DENND1A: variants seen among roughly 807,000 people sequenced by gnomAD.
The protein encoded by DENND1A is DENN domain-containing protein 1A.
Under a neutral mutation model 113.7 loss-of-function variants are expected in DENND1A, and 51 were observed. That is an observed-to-expected ratio of 0.45 (90% CI 0.36 to 0.57). The LOEUF is 0.57. Among genes scored for constraint, DENND1A ranks in the 20% least tolerant of loss-of-function variants. The pLI, the probability that DENND1A is intolerant of heterozygous loss-of-function variation, is 0.00. For synonymous variants in DENND1A, 565 were observed against 570.8 expected (o/e 0.99, Z 0.14); for missense variants, 1,258 against 1,395.9 (o/e 0.90, Z 1.57).
At chr9:123,682,450 G>A (rs552936022) in intron 5 of DENND1A, among the ~76,000 whole-genome samples, 1 of 152,106 alleles carries the variant, frequency 6.6e-6, no homozygotes, top group African/African-American at 2.4e-5. Context: ...GAATACCTGA[G>A]GAGAGGTATC....
intron 13 of DENND1A, chr9:123,492,531 T>C (rs1242211748): frequency 1.3e-5 from 2 of 152,270 alleles, no homozygotes; most frequent in African/African-American, 4.8e-5. Flanking sequence ...AGGTCTTGGA[T>C]GCCAGGCCAA....
chr9:123,392,975 G>C (rs2042934115), intron 21 of DENND1A, among the ~76,000 whole-genome samples: 1 of 152,194 alleles, frequency 6.6e-6, no homozygotes, highest in Admixed American at 6.5e-5. Flanking sequence ...CATCCAGGTT[G>C]CTGTGGATGC....
intron 13 of DENND1A, among the ~76,000 whole-genome samples, chr9:123,461,709 C>T (rs1376876055): frequency 2.0e-5 from 3 of 152,230 alleles, no homozygotes; most frequent in Non-Finnish European, 2.9e-5. Context: ...GAGACATAAA[C>T]ATTTTGGGCC....
chr9:123,489,507 T>C (rs1275648733), intron 13 of DENND1A, among the ~76,000 whole-genome samples: 1 of 152,252 alleles, frequency 6.6e-6, no homozygotes, highest in Non-Finnish European at 1.5e-5. Context: ...TCTGCCTCAG[T>C]GGCATAAGCT....
At chr9:123,707,599 A>G (rs1270269538) in intron 5 of DENND1A, among the ~76,000 whole-genome samples, 2 of 152,198 alleles carry the variant, frequency 1.3e-5, no homozygotes, top group African/African-American at 4.8e-5. Flanking sequence ...ATTGTGTCAA[A>G]CAGATCAAGA....
At chr9:123,420,456 C>T (rs2045172976) in intron 19 of DENND1A, among the ~76,000 whole-genome samples, 1 of 152,104 alleles carries the variant, frequency 6.6e-6, no homozygotes, top group African/African-American at 2.4e-5. Context: ...GAAGGGGGTC[C>T]GGGAAGAAAA....
intron 13 of DENND1A, among the ~76,000 whole-genome samples, chr9:123,520,824 A>G (rs950610394): frequency 2.0e-5 from 3 of 152,240 alleles, no homozygotes; most frequent in African/African-American, 7.2e-5. Flanking sequence ...GGTGTCTGGC[A>G]CGCAGTAGGC....
chr9:123,760,281 A>G lies in DENND1A; in HGVS notation c.183-2459T>C, dbSNP rs187815919. Among the ~76,000 whole-genome samples, 190 of 152,324 alleles carry G rather than the reference A, an allele frequency of 1.2e-3. 1 individual carries two copies. The highest frequency in any genetic ancestry group is 3.9e-3 in the African/African-American group (164 of 41,582). The stretch of plus-strand genomic sequence containing the variant: ...TATGATATGAATAAAGTTTTCAAAG[A>G]TAGGGTAGACTTTCTAAAACTCCCT... On this transcript the variant is annotated intron_variant, in intron 4 of 23. Coordinates refer to ENST00000394215, the MANE Select transcript of DENND1A (RefSeq NM_001352964.2).
intron 13 of DENND1A, among the ~76,000 whole-genome samples, chr9:123,513,198 A>G (rs1484726723): frequency 6.6e-6 from 1 of 152,220 alleles, no homozygotes; most frequent in African/African-American, 2.4e-5. Flanking sequence ...TTCTCAGGGC[A>G]GCCCGGTCCT....
At chr9:123,646,862 G>C (rs746178537) in intron 9 of DENND1A, among the ~76,000 whole-genome samples, 1 of 152,098 alleles carries the variant, frequency 6.6e-6, no homozygotes. Context: ...GAGGACAGAC[G>C]GTTCATCCAC....
At chr9:123,879,100 A>G in intron 1 of DENND1A, 79 bp from the exon 2 acceptor site, 3 of 1,409,338 alleles carry the variant, frequency 2.1e-6, no homozygotes, top group South Asian at 2.4e-5. Flanking sequence ...GGTATTAAAC[A>G]GATCTTCCTT....
chr9:123,858,286 G>A (rs1413720202), intron 2 of DENND1A, among the ~76,000 whole-genome samples: 1 of 152,336 alleles, frequency 6.6e-6, no homozygotes, highest in East Asian at 1.9e-4. Flanking sequence ...GTCGACTGAC[G>A]TAGTCGAGGT....
At position 123,448,518 on chromosome 9, in the gene DENND1A, C is replaced by T. The variant is rs187702549; in HGVS notation, c.1356+2175G>A. On this transcript the variant is annotated intron_variant, in intron 18 of 23. Coordinates refer to ENST00000394215, the MANE Select transcript of DENND1A (RefSeq NM_001352964.2). ...GATACCAACGAGCCTACGATCCAGG[C>T]ATCAAGGAGGGAAAACTCTCCGCTC... Among the ~76,000 whole-genome samples the T allele has an allele frequency of 2.4e-4, 37 of 152,276 alleles. No individual in the cohort carries two copies. The East Asian group carries it at 6.9e-3, about 29-fold the overall frequency.
chr9:123,516,109 C>T (rs1054479498), intron 13 of DENND1A, among the ~76,000 whole-genome samples: 1 of 1,628 alleles, frequency 6.1e-4, no homozygotes, highest in African/African-American at 1.8e-3. Flanking sequence ...CACACACATA[C>T]ACACACACAC....
intron 17 of DENND1A, 77 bp downstream of exon 17, chr9:123,452,199 T>C: frequency 1.4e-6 from 2 of 1,385,824 alleles, no homozygotes; most frequent in Admixed American, 3.4e-5. Context: ...GTTTCAAAAG[T>C]AAGTAAATAA....
intron 21 of DENND1A, among the ~76,000 whole-genome samples, chr9:123,394,044 T>G (rs1038167956): frequency 9.3e-5 from 14 of 150,616 alleles, no homozygotes; most frequent in African/African-American, 3.4e-4. Flanking sequence ...CAGGCTGGAG[T>G]GCAGTGGCAC....
At chr9:123,594,114 A>C (rs2059583934) in intron 11 of DENND1A, among the ~76,000 whole-genome samples, 1 of 152,184 alleles carries the variant, frequency 6.6e-6, no homozygotes, top group African/African-American at 2.4e-5. Flanking sequence ...AGTCTCAAGT[A>C]GTTCTTTATA....
chr9:123,436,076 C>T (rs1018543672), intron 19 of DENND1A, among the ~76,000 whole-genome samples: 1 of 152,200 alleles, frequency 6.6e-6, no homozygotes, highest in African/African-American at 2.4e-5. Flanking sequence ...GGACACCACT[C>T]ACTCACTCCT....
intron 5 of DENND1A, among the ~76,000 whole-genome samples, chr9:123,716,530 CAG>C (rs1258985234): frequency 6.6e-6 from 1 of 152,160 alleles, no homozygotes; most frequent in Non-Finnish European, 1.5e-5. Flanking sequence ...CTTTCATTCT[CAG>C]AGTCAATTTA....
Sources: gnomAD v4.1 joint callset for allele counts (sites outside exome capture counted in the v4.1 genomes callset) on GRCh38, gnomAD v4.1.1 for gene constraint, MANE v1.5 for transcripts, NCBI Gene and HGNC (gene_info 2026-07-23, HGNC 2026-07-21) for gene names.